ZDHHC14: variants seen among roughly 807,000 people sequenced by gnomAD.
ZDHHC14 encodes palmitoyltransferase ZDHHC14.
In ZDHHC14, 16 loss-of-function variants were observed where a neutral mutation model predicts 47.7. That is an observed-to-expected ratio of 0.34 (90% CI 0.23 to 0.51). The LOEUF is 0.51. Ranked by LOEUF, ZDHHC14 falls within the 20% of genes least tolerant of loss-of-function variation. ZDHHC14 has a pLI of 0.97. For missense variants in ZDHHC14, 515 were observed against 662.5 expected (o/e 0.78, Z 2.44); for synonymous variants, 293 against 278.9 (o/e 1.05, Z -0.50).
chr6:157,604,406 G>A (rs972954658), intron 3 of ZDHHC14, among the ~76,000 whole-genome samples: 4 of 152,092 alleles, frequency 2.6e-5, no homozygotes, highest in African/African-American at 7.2e-5. Context: ...TGTGGGTTTC[G>A]ATATCTGAGG....
chr6:157,433,301 C>T (rs2114783207), intron 1 of ZDHHC14, among the ~76,000 whole-genome samples: 1 of 152,234 alleles, frequency 6.6e-6, no homozygotes, highest in East Asian at 1.9e-4. Context: ...AGCTAAATAC[C>T]AAATATCATT....
At chr6:157,548,448 T>C (rs1782078483) in intron 2 of ZDHHC14, among the ~76,000 whole-genome samples, 1 of 151,954 alleles carries the variant, frequency 6.6e-6, no homozygotes. Flanking sequence ...TGTTTGTTTG[T>C]TTGTTTGTTT....
intron 1 of ZDHHC14, among the ~76,000 whole-genome samples, chr6:157,477,191 C>A (rs1779508887): frequency 6.6e-6 from 1 of 152,182 alleles, no homozygotes; most frequent in Non-Finnish European, 1.5e-5. Context: ...GCCAGCCTGA[C>A]CAACATGGTG....
chr6:157,547,521 C>T (rs568376800), intron 2 of ZDHHC14, among the ~76,000 whole-genome samples: 70 of 151,210 alleles, frequency 4.6e-4, no homozygotes, highest in Middle Eastern at 3.4e-3. Flanking sequence ...TGGGCTTTTC[C>T]CGCATCAAAG....
intron 1 of ZDHHC14, among the ~76,000 whole-genome samples, chr6:157,525,063 G>A (rs929855981): frequency 5.3e-5 from 8 of 152,348 alleles, no homozygotes; most frequent in African/African-American, 1.9e-4. Flanking sequence ...CTGGGCCCGG[G>A]GAGGATTCTC....
chr6:157,427,766 T>C lies in ZDHHC14; in HGVS notation c.245+45500T>C, dbSNP rs866182852. Among the ~76,000 whole-genome samples the C allele has an allele frequency of 4.6e-5, 7 of 152,116 alleles. No individual in the cohort carries two copies. Among genetic ancestry groups the C allele is most frequent in the African/African-American group, 9.7e-5 (4 of 41,406 alleles). The stretch of plus-strand genomic sequence containing the variant: ...TGGGAGTCAGAAACACACTGTGAGA[T>C]TGACCACCTTCCATCGGAGTGTGGA... On this transcript the variant is annotated intron_variant, in intron 1 of 8. Transcript: ENST00000359775. This position sits in a 1 kb window ranked among gnomAD's most constrained non-coding sequence, Gnocchi z 4.4.
At chr6:157,595,533 T>A (rs771229080) in intron 3 of ZDHHC14, among the ~76,000 whole-genome samples, 7 of 152,176 alleles carry the variant, frequency 4.6e-5, no homozygotes, top group Non-Finnish European at 8.8e-5. Context: ...CTTCTCAATC[T>A]ACTGTGACTT....
rs1443434605 is a variant in ZDHHC14 at position 157,396,923 on chromosome 6, A to G, written c.245+14657A>G. Among the ~76,000 whole-genome samples the G allele has an allele frequency of 2.6e-5, 4 of 152,196 alleles. No homozygotes were observed. In the East Asian group the frequency reaches 5.8e-4, roughly 22 times the overall value. ...TGAGCTGGGAAACTACTAACATTCT[A>G]TTTTTTAATTTAGAAGTTGAAGTGG... On this transcript the variant is annotated intron_variant, in intron 1 of 8. Coordinates refer to ENST00000359775, the MANE Select transcript of ZDHHC14 (RefSeq NM_024630.3).
chr6:157,462,924 G>T (rs887395619), intron 1 of ZDHHC14, among the ~76,000 whole-genome samples: 2 of 152,204 alleles, frequency 1.3e-5, no homozygotes, highest in Non-Finnish European at 2.9e-5. Flanking sequence ...CTGTTTAATT[G>T]TTTAACTGTG....
rs1298890229 is a variant in ZDHHC14, at chr6:157,533,668, A to T, written c.246-8917A>T. Among the ~76,000 whole-genome samples, 4 of 152,188 alleles carry T rather than the reference A, an allele frequency of 2.6e-5. No individual in the cohort carries two copies. The East Asian group carries it at 7.7e-4, about 29-fold the overall frequency. The stretch of plus-strand genomic sequence containing the variant: ...CAAGTACCTGGCTTTAGTTCTGAGC[A>T]GAGGAGGGACGTGCTCTGGCTTGAG... On this transcript the variant is annotated intron_variant, in intron 1 of 8. Coordinates refer to ENST00000359775, the MANE Select transcript of ZDHHC14 (RefSeq NM_024630.3).
chr6:157,590,278 G>A (rs1783857942), intron 2 of ZDHHC14, among the ~76,000 whole-genome samples: 2 of 152,176 alleles, frequency 1.3e-5, no homozygotes, highest in Non-Finnish European at 2.9e-5. Flanking sequence ...AGACAATGGG[G>A]AAAATGTCTC....
chr6:157,511,383 A>G (rs889522055), intron 1 of ZDHHC14, among the ~76,000 whole-genome samples: 1 of 123,122 alleles, frequency 8.1e-6, no homozygotes, highest in Non-Finnish European at 1.7e-5. Context: ...TGCATGAGGA[A>G]ACTTTTTTTT....
chr6:157,579,477 A>G (rs906124229), intron 2 of ZDHHC14, among the ~76,000 whole-genome samples: 4 of 152,084 alleles, frequency 2.6e-5, no homozygotes, highest in Non-Finnish European at 4.4e-5. Context: ...GATTACAGGC[A>G]TGAGCCACCA....
In ZDHHC14 at chr6:157,502,537, C is replaced by G. The variant is rs949889785; in HGVS notation, c.246-40048C>G. Among the ~76,000 whole-genome samples the G allele has an allele frequency of 1.3e-5, 2 of 152,210 alleles. No individual in the cohort carries two copies. The highest frequency in any genetic ancestry group is 1.3e-4 in the Admixed American group (2 of 15,284). On this transcript the variant is annotated intron_variant, in intron 1 of 8. Coordinates refer to ENST00000359775, the MANE Select transcript of ZDHHC14 (RefSeq NM_024630.3). The surrounding 1 kb of genome is among the most constrained non-coding windows in gnomAD (Gnocchi z 4.0). ...CTTGTCCCTGCTACCTGATCCCCAT[C>G]TCACACCACTCACCTCCTCCTGCCT...
At chr6:157,478,743 C>A (rs1779548633) in intron 1 of ZDHHC14, among the ~76,000 whole-genome samples, 1 of 152,180 alleles carries the variant, frequency 6.6e-6, no homozygotes, top group South Asian at 2.1e-4. Context: ...TCTTTATATC[C>A]CTAACACTTA....
chr6:157,423,602 C>T (rs1778152552), intron 1 of ZDHHC14, among the ~76,000 whole-genome samples: 2 of 152,178 alleles, frequency 1.3e-5, no homozygotes, highest in Admixed American at 1.3e-4. Flanking sequence ...ATTGGGTATT[C>T]TGACCTCCAA....
chr6:157,595,958 G>A (rs1784111443), intron 3 of ZDHHC14, among the ~76,000 whole-genome samples: 1 of 152,216 alleles, frequency 6.6e-6, no homozygotes, highest in Non-Finnish European at 1.5e-5. Flanking sequence ...ATCTAGAGGA[G>A]GAAGACTGGA....
chr6:157,518,382 T>A (rs1015730814), intron 1 of ZDHHC14, among the ~76,000 whole-genome samples: 2 of 80,790 alleles, frequency 2.5e-5, no homozygotes. Context: ...CCAGGGGCAA[T>A]AGGGAAGGGG....
intron 2 of ZDHHC14, among the ~76,000 whole-genome samples, chr6:157,562,880 C>A (rs1782762934): frequency 6.6e-6 from 1 of 152,080 alleles, no homozygotes; most frequent in Non-Finnish European, 1.5e-5. Flanking sequence ...CGCCTCCCAC[C>A]GCCCCCCAAG....
Sources: gnomAD v4.1 joint callset for allele counts (sites outside exome capture counted in the v4.1 genomes callset) on GRCh38, gnomAD v4.1.1 for gene constraint, Gnocchi (gnomAD v3.1) non-coding constraint, MANE v1.5 for transcripts, NCBI Gene and HGNC (gene_info 2026-07-23, HGNC 2026-07-21) for gene names.